The following AVP variants were observed in gnomAD, a reference collection of about 807,000 sequenced individuals.
The protein encoded by AVP is arginine vasopressin.
A neutral mutation model predicts 11.1 loss-of-function variants in AVP; 9 were observed. The ratio of observed to expected loss-of-function variants is 0.81; its 90% CI spans 0.49 to 1.42. The LOEUF is 1.42. Among genes scored for constraint, AVP ranks in the 40% most tolerant of loss-of-function variants. AVP has a pLI of 0.00. For missense variants in AVP, 206 were observed against 238.5 expected (o/e 0.86, Z 0.90); for synonymous variants, 106 against 111.3 (o/e 0.95, Z 0.30).
chr20:3,082,786 C>T lies in AVP; in HGVS notation c.339G>A (p.Glu113=). 8.0e-7 allele frequency: 1 copy of T among 1,254,652 alleles called. No homozygotes were observed. Among genetic ancestry groups the T allele is most frequent in the Non-Finnish European group, 1.0e-6 (1 of 1,002,238 alleles). The allele number at this position is 1,254,652 out of a possible 1,614,324, so 77.7% of individuals were successfully genotyped here. The change falls in exon 3 of 3, where the codon GAG becomes GAA. Residue 113 remains glutamate (E), a synonymous_variant. Coordinates refer to ENST00000380293, the MANE Select transcript of AVP (RefSeq NM_000490.5). The surrounding 1 kb of genome is among the most constrained non-coding windows in gnomAD (Gnocchi z 4.7). ...GGTGAAAGCCCTCGCGGCACTCGGG[C>T]TCGGTCACGCAGCTCTCTGCCGGGA... ...VCCNDESCVT[E]PECREGFHRR... is the part of the protein sequence containing the mutation.
Position 3,083,522 on chromosome 20 carries a change from C to A in AVP, c.121-344G>T, listed in dbSNP as rs1170634388. Among the ~76,000 whole-genome samples the A allele has an allele frequency of 1.3e-5, 2 of 152,154 alleles. No homozygotes were observed. The highest frequency in any genetic ancestry group is 2.9e-5 in the Non-Finnish European group (2 of 68,022). On this transcript the variant is annotated intron_variant, in intron 1 of 2. Transcript: ENST00000380293. This position sits in a 1 kb window ranked among gnomAD's most constrained non-coding sequence, Gnocchi z 5.4. ...GGCGCCACTGTTGCAGCTGCCCCAC[C>A]CTCCACCACTCCAGACCCTTCCTCC...
At chr20:3,084,468 C>G in intron 1 of AVP, 87 bp downstream of exon 1, 2 of 1,602,036 alleles carry the variant, frequency 1.2e-6, no homozygotes, top group Non-Finnish European at 1.7e-6. Flanking sequence ...TACCACCACC[C>G]ATGACTTCCC....
rs2066120542 is a variant in AVP at position 3,083,184 on chromosome 20, G to A, written c.121-6C>T. Reference sequence around the variant, plus strand: ...CCGGGGCCGCAGGGGAGGCACTGCGGGGACGGGCGGGGTGAGCGGGAGGAG... The same window carrying A: ...CCGGGGCCGCAGGGGAGGCACTGCGAGGACGGGCGGGGTGAGCGGGAGGAG... On this transcript the variant is annotated splice_region_variant and splice_polypyrimidine_tract_variant and intron_variant, in intron 1 of 2. Coordinates refer to ENST00000380293, the MANE Select transcript of AVP (RefSeq NM_000490.5). The surrounding 1 kb of genome is among the most constrained non-coding windows in gnomAD (Gnocchi z 5.4). 2 of 1,473,724 alleles carry A rather than the reference G, an allele frequency of 1.4e-6. No homozygotes were observed. Among genetic ancestry groups the A allele is most frequent in the South Asian group, 2.6e-5 (2 of 78,194 alleles). 91.3% of individuals were successfully genotyped at this position (1,473,724 alleles called of 1,614,324 possible). A position where few individuals can be genotyped will look rare whatever the true frequency, so the allele number is the denominator to read the frequency against.
In AVP at chr20:3,084,708, C is replaced by T. The variant is rs771029378; in HGVS notation, c.-34G>A. The T allele has an allele frequency of 6.2e-7, 1 of 1,611,466 alleles. No individual in the cohort carries two copies. The highest frequency in any genetic ancestry group is 1.7e-5 in the Admixed American group (1 of 60,030). ...ACACAGGTGGACCCCGTATGCAGCA[C>T]TGCTTGGTGGCTCTGTGCTGCTGCC... is the stretch of plus-strand genomic sequence containing the variant. On this transcript the variant is annotated 5_prime_UTR_variant, in exon 1 of 3. It adds an upstream start codon to the 5' untranslated region. Coordinates refer to ENST00000380293, the MANE Select transcript of AVP (RefSeq NM_000490.5).
At position 3,082,628 on chromosome 20, in the gene AVP, G is replaced by GCT. The variant is rs2066115233; in HGVS notation, c.495_*1dup. On this transcript the variant is annotated 3_prime_UTR_variant, in exon 3 of 3. Coordinates refer to ENST00000380293, the MANE Select transcript of AVP (RefSeq NM_000490.5). This position sits in a 1 kb window ranked among gnomAD's most constrained non-coding sequence, Gnocchi z 4.7. Reference sequence around the variant, plus strand: ...AGCGCGCCGGTGGGGCGAGCGCGGGGCTCAGTAGGCGTCGGGCTGGGCGGG... The same window carrying GCT: ...AGCGCGCCGGTGGGGCGAGCGCGGGGCTCTCAGTAGGCGTCGGGCTGGGCGGG... The GCT allele has an allele frequency of 7.9e-7, 1 of 1,262,730 alleles. No individual in the cohort carries two copies. Among genetic ancestry groups the GCT allele is most frequent in the East Asian group, 3.2e-5 (1 of 31,290 alleles). 78.2% of individuals were successfully genotyped at this position (1,262,730 alleles called of 1,614,324 possible).
rs2066117031 is a variant in AVP, at chr20:3,082,812, G to A, written c.323-10C>T. The A allele has an allele frequency of 8.1e-7, 1 of 1,236,446 alleles. No individual in the cohort carries two copies. The highest frequency in any genetic ancestry group is 3.4e-5 in the East Asian group (1 of 29,586). The allele number at this position is 1,236,446 out of a possible 1,614,324, so 76.6% of individuals were successfully genotyped here. Reference sequence around the variant, plus strand: ...TCGGTCACGCAGCTCTCTGCCGGGAGGACGTGTGAGCACGGGCGCCCTGGG... The same window carrying A: ...TCGGTCACGCAGCTCTCTGCCGGGAAGACGTGTGAGCACGGGCGCCCTGGG... On this transcript the variant is annotated splice_polypyrimidine_tract_variant and intron_variant, in intron 2 of 2. Coordinates refer to ENST00000380293, the MANE Select transcript of AVP (RefSeq NM_000490.5). This position sits in a 1 kb window ranked among gnomAD's most constrained non-coding sequence, Gnocchi z 4.7.
Position 3,082,977 on chromosome 20 carries a change from C to G in AVP, c.322G>C (p.Glu108Gln), listed in dbSNP as rs1201283083. The G allele has an allele frequency of 6.7e-7, 1 of 1,484,884 alleles. No homozygotes were observed. The highest frequency in any genetic ancestry group is 1.4e-5 in the African/African-American group (1 of 68,990). 92.0% of individuals were successfully genotyped at this position (1,484,884 alleles called of 1,614,324 possible). A position where few individuals can be genotyped will look rare whatever the true frequency, so the allele number is the denominator to read the frequency against. ...CCCCAGGCCCGCCCCCGCCGCGCAC[C>G]GTCGTTGCAGCAAACGCCGAAGGCG... ...CAAFGVCCND[E>Q]SCVTEPECRE... Residue 108 changes from glutamate (E) to glutamine (Q), a missense_variant and splice_region_variant, in exon 2 of 3, where the codon GAG (glutamate) becomes CAG (glutamine). By Grantham distance (29) the Glu-to-Gln change is conservative (BLOSUM62 2). Around this residue, in one of 2 missense-constraint regions of AVP, gnomAD observed 106 missense variants for 89.2 expected, o/e 1.19. Transcript: ENST00000380293. This position sits in a 1 kb window ranked among gnomAD's most constrained non-coding sequence, Gnocchi z 4.7.
rs2066118912 is a variant in AVP at position 3,082,999 on chromosome 20, G to C, written c.300C>G (p.Ala100=). The part of the protein sequence containing the change: ...KACGSGGRCA[A]FGVCCNDESC... ...CACCGTCGTTGCAGCAAACGCCGAAGGCGGCGCAGCGGCCCCCGCTCCCGC... is the reference window on the plus strand; with the variant it reads ...CACCGTCGTTGCAGCAAACGCCGAACGCGGCGCAGCGGCCCCCGCTCCCGC... Residue 100 remains alanine (A), a synonymous_variant, in exon 2 of 3, where the codon GCC becomes GCG. Transcript: ENST00000380293. The surrounding 1 kb of genome is among the most constrained non-coding windows in gnomAD (Gnocchi z 4.7). 6.8e-7 allele frequency: 1 copy of C among 1,473,576 alleles called. No individual in the cohort carries two copies. Among genetic ancestry groups the C allele is most frequent in the Non-Finnish European group, 9.0e-7 (1 of 1,113,312 alleles). 91.3% of individuals were successfully genotyped at this position (1,473,576 alleles called of 1,614,324 possible). A position where few individuals can be genotyped will look rare whatever the true frequency, so the allele number is the denominator to read the frequency against.
chr20:3,083,332 C>T lies in AVP; in HGVS notation c.121-154G>A, dbSNP rs898182198. ...CAGGCACGCTCGGGCGCCACTGGGC[C>T]TCGACCGCGGTCACGGGCGGGGCGT... On this transcript the variant is annotated intron_variant, in intron 1 of 2. Coordinates refer to ENST00000380293, the MANE Select transcript of AVP (RefSeq NM_000490.5). The surrounding 1 kb of genome is among the most constrained non-coding windows in gnomAD (Gnocchi z 5.4). Among the ~76,000 whole-genome samples the T allele has an allele frequency of 2.6e-5, 4 of 152,014 alleles. No homozygotes were observed. In the East Asian group the frequency reaches 7.7e-4, roughly 29 times the overall value.
chr20:3,082,655 T>C lies in AVP; in HGVS notation c.470A>G (p.Glu157Gly), dbSNP rs1294173822. The C allele has an allele frequency of 7.8e-7, 1 of 1,280,252 alleles. No individual in the cohort carries two copies. Among genetic ancestry groups the C allele is most frequent in the Non-Finnish European group, 9.8e-7 (1 of 1,017,666 alleles). 79.3% of individuals were successfully genotyped at this position (1,280,252 alleles called of 1,614,324 possible). A position where few individuals can be genotyped will look rare whatever the true frequency, so the allele number is the denominator to read the frequency against. The change falls in exon 3 of 3, where the codon GAG (glutamate) becomes GGG (glycine). Residue 157 changes from glutamate (E) to glycine (G), a missense_variant. Coordinates refer to ENST00000380293, the MANE Select transcript of AVP (RefSeq NM_000490.5). This position sits in a 1 kb window ranked among gnomAD's most constrained non-coding sequence, Gnocchi z 4.7. Reference protein sequence around the residue: ...VQLAGAPEPFEPAQPDAY With the variant: ...VQLAGAPEPFGPAQPDAY ...TCAGTAGGCGTCGGGCTGGGCGGGCTCGAAGGGCTCGGGCGCCCCGGCCAG... is the reference window on the plus strand; with the variant it reads ...TCAGTAGGCGTCGGGCTGGGCGGGCCCGAAGGGCTCGGGCGCCCCGGCCAG...
intron 1 of AVP, 50 bp downstream of exon 1, chr20:3,084,505 T>C (rs757827037): frequency 2.5e-6 from 4 of 1,612,258 alleles, no homozygotes; most frequent in Middle Eastern, 1.6e-4. Flanking sequence ...ACCCAGGGTG[T>C]CAGCACTGCC....
rs949049029 is a variant in AVP, at chr20:3,083,922, T to C, written c.120+633A>G. On this transcript the variant is annotated intron_variant, in intron 1 of 2. Transcript: ENST00000380293. The surrounding 1 kb of genome is among the most constrained non-coding windows in gnomAD (Gnocchi z 5.4). ...GCATTAGACTTTTAGCTGAGCCTGG[T>C]GTGGTCTAATTTGCTCAAGGGCTCA... Among the ~76,000 whole-genome samples, 1 of 152,216 alleles carries C rather than the reference T, an allele frequency of 6.6e-6. No individual in the cohort carries two copies. The highest frequency in any genetic ancestry group is 2.1e-4 in the South Asian group (1 of 4,834).
rs2066117307 is a variant in AVP at position 3,082,854 on chromosome 20, G to A, written c.323-52C>T. ...CGCCCTGGGGCGGGCGCAGCTCGGG[G>A]TGCGGGGGGCCCACACCCTCCCTGC... is the stretch of plus-strand genomic sequence containing the variant. On this transcript the variant is annotated intron_variant, in intron 2 of 2. Coordinates refer to ENST00000380293, the MANE Select transcript of AVP (RefSeq NM_000490.5). This position sits in a 1 kb window ranked among gnomAD's most constrained non-coding sequence, Gnocchi z 4.7. 4.1e-6 allele frequency: 5 copies of A among 1,220,752 alleles called. No individual in the cohort carries two copies. The highest frequency in any genetic ancestry group is 5.1e-6 in the Non-Finnish European group (5 of 981,838). 75.6% of individuals were successfully genotyped at this position (1,220,752 alleles called of 1,614,324 possible).
In AVP at chr20:3,083,729, C is replaced by T. The variant is rs1334846491; in HGVS notation, c.121-551G>A. Among the ~76,000 whole-genome samples, 2 of 152,204 alleles carry T rather than the reference C, an allele frequency of 1.3e-5. No homozygotes were observed. The highest frequency in any genetic ancestry group is 1.3e-4 in the Admixed American group (2 of 15,282). On this transcript the variant is annotated intron_variant, in intron 1 of 2. Transcript: ENST00000380293. This position sits in a 1 kb window ranked among gnomAD's most constrained non-coding sequence, Gnocchi z 5.4. Reference sequence around the variant, plus strand: ...GGAGCCCTGACCCCTGCTCAGCCACCTATGACCTATCAGGTGGGTGGCAGG... The same window carrying T: ...GGAGCCCTGACCCCTGCTCAGCCACTTATGACCTATCAGGTGGGTGGCAGG...
Position 3,082,686 on chromosome 20 carries a change from C to T in AVP, c.439G>A (p.Val147Met). Reference protein sequence around the residue: ...GPAGALLLRLVQLAGAPEPFE... With the variant: ...GPAGALLLRLMQLAGAPEPFE... The stretch of plus-strand genomic sequence containing the variant: ...GGCTCGGGCGCCCCGGCCAGCTGCA[C>T]CAGCCGCAGCAGCAAGGCCCCGGCC... The change falls in exon 3 of 3, where the codon GTG becomes ATG. Residue 147 changes from valine (V) to methionine (M), a missense_variant. Transcript: ENST00000380293. This position sits in a 1 kb window ranked among gnomAD's most constrained non-coding sequence, Gnocchi z 4.7. 1.5e-6 allele frequency: 2 copies of T among 1,291,258 alleles called. No homozygotes were observed. The highest frequency in any genetic ancestry group is 2.0e-6 in the Non-Finnish European group (2 of 1,022,676). The allele number at this position is 1,291,258 out of a possible 1,614,324, so 80.0% of individuals were successfully genotyped here. A position where few individuals can be genotyped will look rare whatever the true frequency, so the allele number is the denominator to read the frequency against.
At chr20:3,084,126 C>T (rs1446195554) in intron 1 of AVP, among the ~76,000 whole-genome samples, 1 of 152,132 alleles carries the variant, frequency 6.6e-6, no homozygotes, top group African/African-American at 2.4e-5. Flanking sequence ...GGGGCCTGGG[C>T]GCCTGTGGCT....
chr20:3,082,902 C>CCCCCCCCCG lies in AVP; in HGVS notation c.322+74_322+75insCGGGGGGGG. The CCCCCCCCCG allele has an allele frequency of 1.8e-6, 2 of 1,137,876 alleles. No individual in the cohort carries two copies. The highest frequency in any genetic ancestry group is 2.2e-6 in the Non-Finnish European group (2 of 910,358). The allele number at this position is 1,137,876 out of a possible 1,614,324, so 70.5% of individuals were successfully genotyped here. A position where few individuals can be genotyped will look rare whatever the true frequency, so the allele number is the denominator to read the frequency against. ...TGCCGGGCCCGACGCAGCCCCCACC[C>CCCCCCCCCG]CGCCGCAGGCCCGCGTCCCCCCCAC... On this transcript the variant is annotated intron_variant, in intron 2 of 2. Coordinates refer to ENST00000380293, the MANE Select transcript of AVP (RefSeq NM_000490.5). The surrounding 1 kb of genome is among the most constrained non-coding windows in gnomAD (Gnocchi z 4.7).
At chr20:3,084,271 A>G (rs879755722) in intron 1 of AVP, among the ~76,000 whole-genome samples, 3 of 152,120 alleles carry the variant, frequency 2.0e-5, no homozygotes, top group Non-Finnish European at 2.9e-5. Context: ...ATCCAGCCCC[A>G]AGCCCAGTCA....
Position 3,082,744 on chromosome 20 carries a change from G to A in AVP, c.381C>T (p.Ser127=). The A allele has an allele frequency of 1.6e-6, 2 of 1,276,440 alleles. No individual in the cohort carries two copies. Among genetic ancestry groups the A allele is most frequent in the Admixed American group, 8.0e-5 (2 of 24,980 alleles). 79.1% of individuals were successfully genotyped at this position (1,276,440 alleles called of 1,614,324 possible). A position where few individuals can be genotyped will look rare whatever the true frequency, so the allele number is the denominator to read the frequency against. The change falls in exon 3 of 3, where the codon AGC becomes AGT. Residue 127 remains serine, a synonymous_variant. Coordinates refer to ENST00000380293, the MANE Select transcript of AVP (RefSeq NM_000490.5). The surrounding 1 kb of genome is among the most constrained non-coding windows in gnomAD (Gnocchi z 4.7). The part of the protein sequence containing the change: ...REGFHRRARA[S]DRSNATQLDG... Reference sequence around the variant, plus strand: ...CCAGCTGCGTGGCGTTGCTCCGGTCGCTGGCGCGGGCGCGGCGGTGAAAGC... The same window carrying A: ...CCAGCTGCGTGGCGTTGCTCCGGTCACTGGCGCGGGCGCGGCGGTGAAAGC...
Sources: allele counts gnomAD v4.1 joint callset (sites outside exome capture counted in the v4.1 genomes callset), GRCh38; gene constraint gnomAD v4.1.1; regional missense constraint gnomAD v4.1.1; non-coding constraint Gnocchi (gnomAD v3.1); transcripts MANE v1.5; gene names NCBI Gene and HGNC (gene_info 2026-07-23, HGNC 2026-07-21).